Variants in NKD1 observed in about 807,000 individuals in gnomAD.
NKD1 encodes protein naked cuticle homolog 1.
NKD1 carries 21 observed loss-of-function variants against 56.0 expected under a neutral mutation model. That is an observed-to-expected ratio of 0.38 (90% CI 0.27 to 0.54). NKD1 has a LOEUF of 0.54. Among genes scored for constraint, NKD1 ranks in the 20% least tolerant of loss-of-function variants. The probability of loss-of-function intolerance (pLI) is 0.82; values close to 1 mark genes in which losing one functional copy is unlikely to be tolerated. For synonymous variants in NKD1, 263 were observed against 265.7 expected, an observed-to-expected ratio of 0.99 and a Z score of 0.10; for missense variants, 578 against 642.7, an observed-to-expected ratio of 0.90 and a Z score of 1.09.
intron 3 of NKD1, among the ~76,000 whole-genome samples, chr16:50,597,415 A>G (rs191094825): frequency 6.6e-6 from 1 of 152,308 alleles, no homozygotes; most frequent in East Asian, 1.9e-4. Context: ...TTTTAATGGA[A>G]AAACCGCTTT....
At chr16:50,563,490 C>G (rs557998599) in intron 3 of NKD1, among the ~76,000 whole-genome samples, 1 of 149,814 alleles carries the variant, frequency 6.7e-6, no homozygotes, top group Admixed American at 6.6e-5. Flanking sequence ...GCCCTGGACC[C>G]ATGGAGAAGA....
chr16:50,568,431 T>C (rs933160725), intron 3 of NKD1, among the ~76,000 whole-genome samples: 1 of 152,172 alleles, frequency 6.6e-6, no homozygotes, highest in African/African-American at 2.4e-5. Context: ...ATTCTGTCAT[T>C]TCTTGTTGTA....
At chr16:50,625,124 G>T (rs74017750) in intron 5 of NKD1, 5,329 of 320,300 alleles carry the variant, frequency 0.017, 290 homozygotes, top group African/African-American at 0.11. Context: ...TCCTCCTGGG[G>T]CTCCCAAATT....
intron 3 of NKD1, among the ~76,000 whole-genome samples, chr16:50,561,906 C>T (rs755390813): frequency 1.7e-4 from 26 of 152,082 alleles, no homozygotes; most frequent in Non-Finnish European, 8.8e-5. Flanking sequence ...AGGACTGAGA[C>T]GTGTCCCTTG....
intron 2 of NKD1, 140 bp downstream of exon 2, chr16:50,548,889 C>T (rs1960302615): frequency 1.8e-6 from 2 of 1,132,834 alleles, no homozygotes; most frequent in African/African-American, 1.6e-5. Flanking sequence ...CAAGCCCGCT[C>T]CCTGAGCAGC....
Position 50,608,883 on chromosome 16 carries a change from A to C in NKD1, c.259+523A>C, listed in dbSNP as rs543509152. On this transcript the variant is annotated intron_variant, in intron 4 of 9. Coordinates refer to ENST00000268459, the MANE Select transcript of NKD1 (RefSeq NM_033119.5). ...TGCTCTGTCACCCAGGCTGGAGTGC[A>C]GTAGGTAATTGTAGCTCACTGCAGC... Among the ~76,000 whole-genome samples the C allele has an allele frequency of 2.1e-3, 313 of 152,206 alleles. 3 individuals carry two copies. The highest frequency in any genetic ancestry group is 7.3e-3 in the African/African-American group (304 of 41,512).
intron 4 of NKD1, among the ~76,000 whole-genome samples, chr16:50,616,957 G>A (rs977099588): frequency 6.6e-6 from 1 of 152,208 alleles, no homozygotes; most frequent in Non-Finnish European, 1.5e-5. Context: ...AGTGACCCCA[G>A]ACCAAGGGGA....
At chr16:50,567,527 T>G (rs910037096) in intron 3 of NKD1, among the ~76,000 whole-genome samples, 1 of 152,150 alleles carries the variant, frequency 6.6e-6, no homozygotes, top group Non-Finnish European at 1.5e-5. Context: ...TGGAGTTAGT[T>G]TGGTTTAGCT....
chr16:50,598,160 A>G lies in NKD1; in HGVS notation c.193-10134A>G, dbSNP rs546839268. Among the ~76,000 whole-genome samples the G allele has an allele frequency of 6.6e-6, 1 of 152,070 alleles. No individual in the cohort carries two copies. Among genetic ancestry groups the G allele is most frequent in the South Asian group, 2.1e-4 (1 of 4,810 alleles). ...TGGGAGGCCCAGGGCTGATGGGATC[A>G]GAGTGGGTAGGAGCATGGCTTCTGC... On this transcript the variant is annotated intron_variant, in intron 3 of 9. Coordinates refer to ENST00000268459, the MANE Select transcript of NKD1 (RefSeq NM_033119.5). This position sits in a 1 kb window ranked among gnomAD's most constrained non-coding sequence, Gnocchi z 4.2.
chr16:50,631,289 T>C (rs2151281144), intron 8 of NKD1, among the ~76,000 whole-genome samples: 1 of 152,250 alleles, frequency 6.6e-6, no homozygotes. Flanking sequence ...ACGTGGGTTA[T>C]GAAAACTCTT....
intron 3 of NKD1, among the ~76,000 whole-genome samples, chr16:50,577,809 C>T (rs1253259661): frequency 6.6e-6 from 1 of 152,206 alleles, no homozygotes; most frequent in Non-Finnish European, 1.5e-5. Flanking sequence ...GCTAAGCACC[C>T]AGGGGTCTTA....
At chr16:50,613,508 C>T (rs1000372614) in intron 4 of NKD1, 12 of 152,084 alleles carry the variant, frequency 7.9e-5, no homozygotes, top group Admixed American at 6.6e-4. Flanking sequence ...CGGGGGGTGT[C>T]AGCGGCCCTG....
intron 3 of NKD1, chr16:50,551,726 T>C (rs1960389626): frequency 6.6e-6 from 1 of 152,044 alleles, no homozygotes. Flanking sequence ...GTTATCTTTT[T>C]TTTTTTACCA....
At chr16:50,559,574 G>T (rs1960577463) in intron 3 of NKD1, among the ~76,000 whole-genome samples, 1 of 152,148 alleles carries the variant, frequency 6.6e-6, no homozygotes, top group Non-Finnish European at 1.5e-5. Flanking sequence ...TGGTGCAGCA[G>T]CAGGGAGTGG....
chr16:50,626,794 C>A (rs1962226555), intron 6 of NKD1, among the ~76,000 whole-genome samples: 1 of 152,196 alleles, frequency 6.6e-6, no homozygotes. Context: ...AGGCACGAGA[C>A]CTGTTATAGA....
intron 3 of NKD1, among the ~76,000 whole-genome samples, chr16:50,601,449 G>A (rs1961594744): frequency 6.6e-6 from 1 of 152,238 alleles, no homozygotes. Flanking sequence ...TGCCTGCGTG[G>A]TACCAGGCGC....
intron 3 of NKD1, among the ~76,000 whole-genome samples, chr16:50,550,407 G>T (rs1366025191): frequency 1.3e-5 from 2 of 151,314 alleles, no homozygotes; most frequent in Non-Finnish European, 2.9e-5. Flanking sequence ...CTCAGGTCTG[G>T]TTAGTTCTTT....
At chr16:50,550,263 C>T (rs1960350163) in intron 3 of NKD1, among the ~76,000 whole-genome samples, 1 of 152,104 alleles carries the variant, frequency 6.6e-6, no homozygotes, top group African/African-American at 2.4e-5. Context: ...CTGTGAGCTC[C>T]GGAACTCTGC....
chr16:50,647,425 C>G lies in NKD1; in HGVS notation c.*13644C>G, dbSNP rs146132769. The G allele has an allele frequency of 7.2e-4, 109 of 152,302 alleles. 1 individual carries two copies. The highest frequency in any genetic ancestry group is 2.3e-3 in the African/African-American group (97 of 41,558). 9.4% of individuals were successfully genotyped at this position (152,302 alleles called of 1,614,324 possible). A position where few individuals can be genotyped will look rare whatever the true frequency, so the allele number is the denominator to read the frequency against. ...ACTTATACATGACCTGGCAGCCACC[C>G]AGCATCTGTACTTTAGTTATTTGGT... On this transcript the variant is annotated 3_prime_UTR_variant, in exon 10 of 10. Coordinates refer to ENST00000268459, the MANE Select transcript of NKD1 (RefSeq NM_033119.5).
Sources: allele counts gnomAD v4.1 joint callset (sites outside exome capture counted in the v4.1 genomes callset), GRCh38; gene constraint gnomAD v4.1.1; non-coding constraint Gnocchi (gnomAD v3.1); transcripts MANE v1.5; gene names NCBI Gene and HGNC (gene_info 2026-07-23, HGNC 2026-07-21).